The following PKHD1L1 variants were observed in gnomAD, a reference collection of about 807,000 sequenced individuals.
PKHD1L1 encodes PKHD1 like 1, also known as fibrocystin-L.
PKHD1L1 carries 434 observed loss-of-function variants against 462.9 expected under a neutral mutation model. That is an observed-to-expected ratio of 0.94 (90% CI 0.87 to 1.02). The LOEUF (loss-of-function observed/expected upper bound fraction) is 1.02, where lower values mean the gene tolerates loss of function less well. Ranked by LOEUF, PKHD1L1 falls within the 50% of genes least tolerant of loss-of-function variation. The pLI, the probability that PKHD1L1 is intolerant of heterozygous loss-of-function variation, is 0.00. For missense variants in PKHD1L1, 5,202 were observed against 5,096.1 expected, an observed-to-expected ratio of 1.02 and a Z score of -0.63; for synonymous variants, 1,781 against 1,750.0, an observed-to-expected ratio of 1.02 and a Z score of -0.44.
intron 70 of PKHD1L1, 144 bp downstream of exon 70, chr8:109,508,408 C>T (rs891443551): frequency 1.2e-5 from 10 of 801,582 alleles, no homozygotes; most frequent in African/African-American, 1.0e-4. Context: ...ATGAGCAATG[C>T]GCAGGGGAGA....
chr8:109,504,988 C>T (rs74687644), intron 68 of PKHD1L1, among the ~76,000 whole-genome samples: 2,253 of 152,238 alleles, frequency 0.015, 27 homozygotes, highest in Middle Eastern at 0.051. Context: ...ATACTTCCAC[C>T]TCAGCCTCCC....
chr8:109,500,058 A>G (rs547079117), intron 67 of PKHD1L1, among the ~76,000 whole-genome samples: 2 of 152,284 alleles, frequency 1.3e-5, no homozygotes, highest in South Asian at 4.1e-4. Context: ...GTTAACAGCC[A>G]ATATTCAAAG....
At chr8:109,514,983 G>A (rs553428973) in intron 71 of PKHD1L1, among the ~76,000 whole-genome samples, 187 bp from the exon 72 acceptor site, 2 of 152,150 alleles carry the variant, frequency 1.3e-5, no homozygotes, top group Admixed American at 6.6e-5. Context: ...TAAGGGTTAA[G>A]TTGTACTATC....
chr8:109,449,466 T>C lies in PKHD1L1; in HGVS notation c.6154T>C (p.Cys2052Arg), dbSNP rs374537104. Residue 2052 changes from cysteine to arginine, a missense_variant, in exon 40 of 78, where the codon TGT becomes CGT. Physicochemically the swap from Cys to Arg is radical, Grantham distance 180. Transcript: ENST00000378402. ...RLRSDYTTLL[C>R]EIPSNNGTGA... ...TAGATCTGATTACACAACACTATTATGTGAAATTCCATCTAATAATGGTAA... is the reference window on the plus strand; with the variant it reads ...TAGATCTGATTACACAACACTATTACGTGAAATTCCATCTAATAATGGTAA... 48 of 1,597,190 alleles carry C rather than the reference T, an allele frequency of 3.0e-5. 2 individuals are homozygous for C. The Middle Eastern group carries it at 8.3e-4, about 27-fold the overall frequency.
At chr8:109,504,100 C>T (rs1042123332) in intron 67 of PKHD1L1, among the ~76,000 whole-genome samples, 7 of 152,150 alleles carry the variant, frequency 4.6e-5, no homozygotes, top group African/African-American at 1.7e-4. Context: ...AACCAAGTTA[C>T]ATGGCCAAGC....
chr8:109,489,261 T>C (rs1818706287), intron 59 of PKHD1L1, among the ~76,000 whole-genome samples: 1 of 151,924 alleles, frequency 6.6e-6, no homozygotes, highest in Non-Finnish European at 1.5e-5. Context: ...CATGAGTTCC[T>C]GTGCCTCAGT....
chr8:109,522,682 T>G (rs1272214084), intron 74 of PKHD1L1, 62 bp from the exon 75 acceptor site: 1,113 of 1,454,420 alleles, frequency 7.7e-4, no homozygotes, highest in Non-Finnish European at 9.3e-4. Context: ...CTGGCTAAAA[T>G]GAGTTTGCTG....
intron 2 of PKHD1L1, among the ~76,000 whole-genome samples, chr8:109,369,953 A>C (rs1811414910): frequency 6.6e-6 from 1 of 152,132 alleles, no homozygotes. Flanking sequence ...AGCTTAGAGG[A>C]ATAAAATGAT....
chr8:109,425,306 G>A lies in PKHD1L1; in HGVS notation c.2845+74G>A, dbSNP rs1173676463. On this transcript the variant is annotated intron_variant, in intron 24 of 77. Transcript: ENST00000378402. ...ATAACCTTATAAAGTGTTAAATTTT[G>A]TTTAACTTGAGAATTACTACTTATT... The A allele has an allele frequency of 1.1e-5, 13 of 1,210,012 alleles. No homozygotes were observed. The East Asian group carries it at 3.5e-4, about 32-fold the overall frequency. The allele number at this position is 1,210,012 out of a possible 1,614,324, so 75.0% of individuals were successfully genotyped here. A position where few individuals can be genotyped will look rare whatever the true frequency, so the allele number is the denominator to read the frequency against.
At position 109,419,388 on chromosome 8, in the gene PKHD1L1, C is replaced by G. The variant is rs181899285; in HGVS notation, c.2524+128C>G. 3.4e-4 allele frequency: 221 copies of G among 650,684 alleles called. 1 individual carries two copies. In the African/African-American group the frequency reaches 3.8e-3, roughly 11 times the overall value. The allele number at this position is 650,684 out of a possible 1,614,324, so 40.3% of individuals were successfully genotyped here. A position where few individuals can be genotyped will look rare whatever the true frequency, so the allele number is the denominator to read the frequency against. ...AAATATTAATGAGTCACTCTTTTATCTGAATAATATTATGATTTTATTTTG... is the reference window on the plus strand; with the variant it reads ...AAATATTAATGAGTCACTCTTTTATGTGAATAATATTATGATTTTATTTTG... On this transcript the variant is annotated intron_variant, in intron 22 of 77. Coordinates refer to ENST00000378402, the MANE Select transcript of PKHD1L1 (RefSeq NM_177531.6).
At chr8:109,373,146 G>A (rs963611289) in intron 2 of PKHD1L1, among the ~76,000 whole-genome samples, 9 of 151,976 alleles carry the variant, frequency 5.9e-5, no homozygotes, top group Admixed American at 4.6e-4. Context: ...GACTTTTTTT[G>A]GTTGGTAAGC....
At chr8:109,378,522 A>T (rs774213385) in intron 2 of PKHD1L1, among the ~76,000 whole-genome samples, 33 of 152,188 alleles carry the variant, frequency 2.2e-4, no homozygotes, top group Non-Finnish European at 4.3e-4. Context: ...CTTCCCATAG[A>T]TATCCTCATG....
At chr8:109,413,332 A>G (rs1426935663) in intron 20 of PKHD1L1, 89 bp from the exon 21 acceptor site, 9 of 932,480 alleles carry the variant, frequency 9.7e-6, no homozygotes, top group Non-Finnish European at 1.3e-5. Context: ...TGCTCAATAA[A>G]TATTTATTGA....
intron 60 of PKHD1L1, 101 bp downstream of exon 60, chr8:109,490,156 A>G (rs1433109459): frequency 4.3e-6 from 3 of 690,238 alleles, no homozygotes; most frequent in Non-Finnish European, 4.6e-6. Flanking sequence ...AGCTAAAATT[A>G]TAATCTAATA....
intron 71 of PKHD1L1, among the ~76,000 whole-genome samples, chr8:109,513,868 G>A (rs1204954490): frequency 6.6e-6 from 1 of 152,126 alleles, no homozygotes; most frequent in African/African-American, 2.4e-5. Flanking sequence ...CCTGGATCAT[G>A]GTAATTGCCT....
chr8:109,407,922 T>C, intron 17 of PKHD1L1, 127 bp from the exon 18 acceptor site: 1 of 484,310 alleles, frequency 2.1e-6, no homozygotes, highest in South Asian at 9.6e-5. Context: ...TTTCTGATAA[T>C]GGAGCACCAA....
At position 109,507,852 on chromosome 8, in the gene PKHD1L1, G is replaced by C; in HGVS notation, c.11184G>C (p.Leu3728Phe). 1.2e-6 allele frequency: 2 copies of C among 1,613,542 alleles called. No individual in the cohort carries two copies. Among genetic ancestry groups the C allele is most frequent in the Non-Finnish European group, 1.7e-6 (2 of 1,179,640 alleles). Reference protein sequence around the residue: ...YRIPKAMLTFLNGSRIPVTEK... With the variant: ...YRIPKAMLTFFNGSRIPVTEK... ...TTCCTAAGGCGATGCTCACATTCTTGAATGGAAGTAGAATTCCTGTCACTG... is the reference window on the plus strand; with the variant it reads ...TTCCTAAGGCGATGCTCACATTCTTCAATGGAAGTAGAATTCCTGTCACTG... The change falls in exon 69 of 78, where the codon TTG becomes TTC. Residue 3728 changes from leucine (L) to phenylalanine (F), a missense_variant. Physicochemically the swap from Leu to Phe is conservative, Grantham distance 22. Coordinates refer to ENST00000378402, the MANE Select transcript of PKHD1L1 (RefSeq NM_177531.6).
intron 50 of PKHD1L1, among the ~76,000 whole-genome samples, chr8:109,467,272 C>A (rs1387327154): frequency 6.6e-6 from 1 of 152,142 alleles, no homozygotes; most frequent in African/African-American, 2.4e-5. Context: ...CATAATCCAT[C>A]TGGCATTTGC....
At chr8:109,457,271 A>C (rs975572689) in intron 46 of PKHD1L1, among the ~76,000 whole-genome samples, 1 of 152,178 alleles carries the variant, frequency 6.6e-6, no homozygotes, top group African/African-American at 2.4e-5. Context: ...TGCAGTTATT[A>C]GGAAGAATTA....
Sources: gnomAD v4.1 joint callset for allele counts (sites outside exome capture counted in the v4.1 genomes callset) on GRCh38, gnomAD v4.1.1 for gene constraint, MANE v1.5 for transcripts, NCBI Gene and HGNC (gene_info 2026-07-23, HGNC 2026-07-21) for gene names.